KLHL18: variants seen among roughly 807,000 people sequenced by gnomAD.
The protein encoded by KLHL18 is kelch like family member 18, also known as kelch-like protein 18.
Under a neutral mutation model 58.5 loss-of-function variants are expected in KLHL18, and 38 were observed. That is an observed-to-expected ratio of 0.65 (90% CI 0.50 to 0.85). The LOEUF (loss-of-function observed/expected upper bound fraction) is 0.85, where lower values mean the gene tolerates loss of function less well. Among genes scored for constraint, KLHL18 ranks in the 40% least tolerant of loss-of-function variants. KLHL18 has a pLI of 0.00. For synonymous variants in KLHL18, 303 were observed against 301.9 expected (o/e 1.00, Z -0.04); for missense variants, 624 against 778.4 (o/e 0.80, Z 2.36).
intron 3 of KLHL18, among the ~76,000 whole-genome samples, chr3:47,324,309 T>TTTTTTTTTTTTTTC (rs1703663438): frequency 9.2e-6 from 1 of 109,116 alleles, no homozygotes; most frequent in Non-Finnish European, 2.0e-5. Flanking sequence ...TTTTTTTTTT[T>TTTTTTTTTTTTTTC]TTTTTTTTTT....
At chr3:47,293,565 A>G (rs1367505148) in intron 1 of KLHL18, among the ~76,000 whole-genome samples, 1 of 152,190 alleles carries the variant, frequency 6.6e-6, no homozygotes, top group Non-Finnish European at 1.5e-5. Context: ...AGAGGTACAT[A>G]TTTAGGAGAT....
At chr3:47,291,956 A>G (rs142138447) in intron 1 of KLHL18, among the ~76,000 whole-genome samples, 2 of 152,344 alleles carry the variant, frequency 1.3e-5, no homozygotes, top group East Asian at 1.9e-4. Context: ...TCTTAACTAA[A>G]GACACCATGC....
intron 2 of KLHL18, among the ~76,000 whole-genome samples, chr3:47,321,189 A>G (rs990710387): frequency 1.3e-5 from 2 of 151,942 alleles, no homozygotes; most frequent in Non-Finnish European, 2.9e-5. Context: ...GGGGGAGGCA[A>G]TGGAGTCTCA....
At chr3:47,340,191 C>A (rs565614267) in intron 7 of KLHL18, among the ~76,000 whole-genome samples, 20 of 152,264 alleles carry the variant, frequency 1.3e-4, no homozygotes, top group Admixed American at 1.0e-3. Flanking sequence ...ATGATTGTAA[C>A]AACTGCTGAT....
chr3:47,328,381 C>A (rs1039672402), intron 3 of KLHL18, among the ~76,000 whole-genome samples: 1 of 151,924 alleles, frequency 6.6e-6, no homozygotes, highest in African/African-American at 2.4e-5. Flanking sequence ...ACAAAAACAA[C>A]CATAATAAAA....
In KLHL18 at chr3:47,283,065, C is replaced by A; in HGVS notation, c.100C>A (p.Gln34Lys). 1 of 1,592,080 alleles carries A rather than the reference C, an allele frequency of 6.3e-7. No individual in the cohort carries two copies. The highest frequency in any genetic ancestry group is 8.5e-7 in the Non-Finnish European group (1 of 1,169,754). Residue 34 changes from glutamine (Q) to lysine (K), a missense_variant, in exon 1 of 10, where the codon CAG becomes AAG. Transcript: ENST00000232766. ...CGGCGTCATGGAGGAGATCCGGCGG[C>A]AGGGCAAGCTGTGCGACGTGACCCT... Reference protein sequence around the residue: ...GYGVMEEIRRQGKLCDVTLKI... With the variant: ...GYGVMEEIRRKGKLCDVTLKI...
Position 47,318,120 on chromosome 3 carries a change from C to T in KLHL18, c.130-1533C>T, listed in dbSNP as rs543221247. ...CCTCAAGCAATCCACCTTCCTTGGC[C>T]TCCCAAAGTGCTGGGATTACAGGCA... is the stretch of plus-strand genomic sequence containing the variant. On this transcript the variant is annotated intron_variant, in intron 1 of 9. Coordinates refer to ENST00000232766, the MANE Select transcript of KLHL18 (RefSeq NM_025010.5). Among the ~76,000 whole-genome samples, 6 of 152,328 alleles carry T rather than the reference C, an allele frequency of 3.9e-5. No individual in the cohort carries two copies. The East Asian group carries it at 9.6e-4, about 24-fold the overall frequency.
intron 1 of KLHL18, among the ~76,000 whole-genome samples, chr3:47,284,370 T>C (rs1441969014): frequency 6.7e-6 from 1 of 149,074 alleles, no homozygotes; most frequent in African/African-American, 2.5e-5. Flanking sequence ...GGAGTCTCGT[T>C]CTGTTGCCCA....
intron 1 of KLHL18, among the ~76,000 whole-genome samples, chr3:47,289,742 A>T (rs1464716228): frequency 2.6e-5 from 4 of 152,142 alleles, no homozygotes; most frequent in Non-Finnish European, 5.9e-5. Context: ...CCATAGTTGA[A>T]CGACTGCACT....
chr3:47,341,108 A>G (rs554749617), intron 8 of KLHL18, among the ~76,000 whole-genome samples: 5 of 152,188 alleles, frequency 3.3e-5, no homozygotes, highest in Non-Finnish European at 7.4e-5. Context: ...CATAAGATAT[A>G]TTAACATTTT....
At chr3:47,295,497 T>G (rs1479416292) in intron 1 of KLHL18, among the ~76,000 whole-genome samples, 1 of 152,206 alleles carries the variant, frequency 6.6e-6, no homozygotes, top group Non-Finnish European at 1.5e-5. Context: ...GCTTCAAGCT[T>G]TCTTCCATAT....
At chr3:47,318,122 C>G (rs1703498840) in intron 1 of KLHL18, among the ~76,000 whole-genome samples, 1 of 152,222 alleles carries the variant, frequency 6.6e-6, no homozygotes, top group African/African-American at 2.4e-5. Context: ...TCCTTGGCCT[C>G]CCAAAGTGCT....
rs188194701 is a variant in KLHL18 at position 47,327,985 on chromosome 3, A to C, written c.402-1966A>C. Among the ~76,000 whole-genome samples the C allele has an allele frequency of 3.3e-3, 496 of 152,350 alleles. 3 individuals carry two copies. Among genetic ancestry groups the C allele is most frequent in the Admixed American group, 5.9e-3 (91 of 15,304 alleles). ...CTACAGAGAATCAGTCATGGAGCCA[A>C]ATAAGAATCCCCCAGGGTCTGCTGC... On this transcript the variant is annotated intron_variant, in intron 3 of 9. Transcript: ENST00000232766.
At chr3:47,306,925 A>G (rs1478714563) in intron 1 of KLHL18, among the ~76,000 whole-genome samples, 1 of 152,050 alleles carries the variant, frequency 6.6e-6, no homozygotes, top group Non-Finnish European at 1.5e-5. Context: ...ATTCTGTTTC[A>G]TTATCTATGA....
Position 47,331,131 on chromosome 3 carries a change from G to T in KLHL18, c.600+982G>T, listed in dbSNP as rs554956172. 2.6e-5 allele frequency among the ~76,000 whole-genome samples: 4 copies of T among 151,956 alleles called. No individual in the cohort carries two copies. The South Asian group carries it at 8.3e-4, about 32-fold the overall frequency. On this transcript the variant is annotated intron_variant, in intron 4 of 9. Coordinates refer to ENST00000232766, the MANE Select transcript of KLHL18 (RefSeq NM_025010.5). ...GTGAAATCAAGAGGGGTTGTTGTTT[G>T]TTTGTTTTTGAGAAAGAATCTTGCT... is the stretch of plus-strand genomic sequence containing the variant.
chr3:47,327,386 T>C (rs1420812034), intron 3 of KLHL18, among the ~76,000 whole-genome samples: 10 of 152,252 alleles, frequency 6.6e-5, no homozygotes, highest in Admixed American at 3.3e-4. Flanking sequence ...GATCATTGGC[T>C]CCCATATCCT....
chr3:47,299,919 T>G (rs1020609209), intron 1 of KLHL18, among the ~76,000 whole-genome samples: 1 of 146,400 alleles, frequency 6.8e-6, no homozygotes, highest in Non-Finnish European at 1.5e-5. Flanking sequence ...GATTTCTGAC[T>G]CAAGACTGTA....
intron 3 of KLHL18, among the ~76,000 whole-genome samples, chr3:47,328,211 CTT>C (rs11349887): frequency 2.0e-3 from 281 of 141,448 alleles, no homozygotes; most frequent in Non-Finnish European, 1.9e-3. Flanking sequence ...CCAAAAAACA[CTT>C]TTTTTTTTTT....
intron 5 of KLHL18, among the ~76,000 whole-genome samples, chr3:47,333,752 A>C (rs749717256): frequency 6.6e-6 from 1 of 152,228 alleles, no homozygotes; most frequent in South Asian, 2.1e-4. Flanking sequence ...TGCCAGGTGT[A>C]GGCTTTACAT....
Sources: gnomAD v4.1 joint callset for allele counts (sites outside exome capture counted in the v4.1 genomes callset) on GRCh38, gnomAD v4.1.1 for gene constraint, MANE v1.5 for transcripts, NCBI Gene and HGNC (gene_info 2026-07-23, HGNC 2026-07-21) for gene names.